GABRR1: variants seen among roughly 807,000 people sequenced by gnomAD.
GABRR1 encodes gamma-aminobutyric acid receptor subunit rho-1.
GABRR1 carries 59 observed loss-of-function variants against 55.5 expected under a neutral mutation model. The ratio of observed to expected loss-of-function variants is 1.06; its 90% CI spans 0.86 to 1.32. The LOEUF is 1.32. Among genes scored for constraint, GABRR1 ranks in the 40% most tolerant of loss-of-function variants. The pLI is 0.00. For missense variants in GABRR1, 602 were observed against 619.1 expected (o/e 0.97, Z 0.29); for synonymous variants, 213 against 226.0 (o/e 0.94, Z 0.51).
intron 1 of GABRR1, among the ~76,000 whole-genome samples, chr6:89,225,713 C>G (rs1285475931): frequency 1.9e-5 from 2 of 105,434 alleles, no homozygotes; most frequent in African/African-American, 4.0e-5. Flanking sequence ...TGAATAATGC[C>G]GCAATAAACA....
Position 89,181,891 on chromosome 6 carries a change from G to A in GABRR1, c.949+14C>T. 2 of 1,601,726 alleles carry A rather than the reference G, an allele frequency of 1.2e-6. No homozygotes were observed. The highest frequency in any genetic ancestry group is 1.7e-6 in the Non-Finnish European group (2 of 1,173,866). ...TTGCAGATGCTTGGAATATGCACTT[G>A]AGGTATTCCTTACCTAAGGGGACTC... On this transcript the variant is annotated intron_variant, in intron 8 of 9. Coordinates refer to ENST00000454853, the MANE Select transcript of GABRR1 (RefSeq NM_002042.5).
chr6:89,201,508 G>A (rs899730585), intron 2 of GABRR1, among the ~76,000 whole-genome samples: 16 of 152,202 alleles, frequency 1.1e-4, no homozygotes, highest in Non-Finnish European at 2.1e-4. Flanking sequence ...GGCCGGGTGC[G>A]GTGGCTCACG....
intron 7 of GABRR1, among the ~76,000 whole-genome samples, chr6:89,185,048 C>T (rs1306941317): frequency 6.6e-6 from 1 of 151,946 alleles, no homozygotes; most frequent in South Asian, 2.1e-4. Context: ...CCACACTTGG[C>T]TAATTTTTGT....
At position 89,227,919 on chromosome 6, in the gene GABRR1, T is replaced by C. The variant is rs1312479421; in HGVS notation, c.-411+3297A>G. Among the ~76,000 whole-genome samples the C allele has an allele frequency of 3.8e-5, 4 of 105,650 alleles. 1 individual carries two copies. Among genetic ancestry groups the C allele is most frequent in the Non-Finnish European group, 8.0e-5 (4 of 49,988 alleles). 69.3% of individuals were successfully genotyped at this position (105,650 alleles called of 152,430 possible). On this transcript the variant is annotated intron_variant, in intron 1 of 11. Coordinates refer to the GABRR1 transcript ENST00000369451. The stretch of plus-strand genomic sequence containing the variant: ...TGGACTCTTTTTGGTTGGTAAACTA[T>C]TGATTATTGCCACAATTTCAGCTCT...
intron 1 of GABRR1, chr6:89,204,633 G>C: frequency 7.8e-7 from 1 of 1,281,822 alleles, no homozygotes; most frequent in Non-Finnish European, 1.0e-6. Flanking sequence ...ACCAGTCACT[G>C]ATGAAAGGAG....
intron 2 of GABRR1, among the ~76,000 whole-genome samples, chr6:89,201,551 G>C (rs144260799): frequency 1.3e-5 from 2 of 152,118 alleles, no homozygotes; most frequent in Non-Finnish European, 2.9e-5. Flanking sequence ...AGTCCGAGGC[G>C]GGTGGATCAC....
intron 1 of GABRR1, among the ~76,000 whole-genome samples, chr6:89,224,804 A>G (rs1014367345): frequency 1.4e-4 from 21 of 151,774 alleles, no homozygotes; most frequent in Admixed American, 1.2e-3. Flanking sequence ...TTTCCCCAAG[A>G]CAGGGTCTTG....
intron 1 of GABRR1, among the ~76,000 whole-genome samples, chr6:89,209,057 C>T (rs959226071): frequency 1.3e-5 from 2 of 152,188 alleles, no homozygotes; most frequent in Non-Finnish European, 2.9e-5. Context: ...TGGCCTGCTA[C>T]TGCCTTGCCA....
In GABRR1 at chr6:89,179,052, G is replaced by C. The variant is rs545780993; in HGVS notation, c.1158C>G (p.Thr386=). 6.2e-7 allele frequency: 1 copy of C among 1,613,546 alleles called. No homozygotes were observed. The change falls in exon 10 of 10, where the codon ACC becomes ACG. Residue 386 remains threonine (T), a synonymous_variant. Coordinates refer to ENST00000454853, the MANE Select transcript of GABRR1 (RefSeq NM_002042.5). ...EQKLREKLPC[T]SGLPPPRTAM... ...CAGTGCGGGGCGGAGGTAATCCGCT[G>C]GTGCAGGGAAGCTGCAAACAGTAAA...
At position 89,179,025 on chromosome 6, in the gene GABRR1, C is replaced by T. The variant is rs1796743; in HGVS notation, c.1185G>A (p.Ala395=). The change falls in exon 10 of 10, where the codon GCG becomes GCA. Residue 395 remains alanine, a synonymous_variant. Coordinates refer to ENST00000454853, the MANE Select transcript of GABRR1 (RefSeq NM_002042.5). ...CTSGLPPPRT[A]MLDGNYSDGE... ...CATCACTGTAGTTGCCGTCCAGCAT[C>T]GCAGTGCGGGGCGGAGGTAATCCGC... 590,357 of 1,613,682 alleles carry T rather than the reference C, an allele frequency of 0.37. 111,594 individuals are homozygous for T. The highest frequency in any genetic ancestry group is 0.63 in the East Asian group (28,177 of 44,838).
At chr6:89,197,368 T>G (rs1352332270) in intron 5 of GABRR1, among the ~76,000 whole-genome samples, 3 of 152,182 alleles carry the variant, frequency 2.0e-5, no homozygotes. Flanking sequence ...CTGCTGCTCA[T>G]CTCCATGTGC....
chr6:89,178,839 T>C lies in GABRR1; in HGVS notation c.1371A>G (p.Lys457=). The C allele has an allele frequency of 6.2e-7, 1 of 1,614,154 alleles. No individual in the cohort carries two copies. Among genetic ancestry groups the C allele is most frequent in the Non-Finnish European group, 8.5e-7 (1 of 1,179,984 alleles). ...SMRIDTHAID[K]YSRIIFPAAY... The stretch of plus-strand genomic sequence containing the variant: ...CTGCTGGAAAGATGATCCTGGAGTA[T>C]TTATCAATGGCGTGGGTGTCGATTC... The change falls in exon 10 of 10, where the codon AAA becomes AAG. Residue 457 remains lysine (K), a synonymous_variant. Transcript: ENST00000454853.
intron 1 of GABRR1, among the ~76,000 whole-genome samples, chr6:89,224,298 G>T (rs1221059309): frequency 6.6e-6 from 1 of 151,790 alleles, no homozygotes; most frequent in African/African-American, 2.4e-5. Context: ...CACCATGTTG[G>T]CCAGGCTGGT....
intron 1 of GABRR1, among the ~76,000 whole-genome samples, chr6:89,229,454 C>T (rs1032110827): frequency 6.8e-6 from 1 of 147,734 alleles, no homozygotes; most frequent in Non-Finnish European, 1.5e-5. Context: ...TTAGGGCAGG[C>T]CTGGTGGTGA....
chr6:89,182,028 T>C lies in GABRR1; in HGVS notation c.826A>G (p.Thr276Ala), dbSNP rs756899313. 52 of 1,613,950 alleles carry C rather than the reference T, an allele frequency of 3.2e-5. No homozygotes were observed. The highest frequency in any genetic ancestry group is 4.3e-5 in the Non-Finnish European group (51 of 1,179,976). ...AAGAAGAAGATGTGGCGACGCAACG[T>C]GAAATTAATGTAGAGACGGTTGTAC... ...GWYNRLYINF[T>A]LRRHIFFFLL... is the part of the protein sequence containing the mutation. Residue 276 changes from threonine to alanine, a missense_variant, in exon 8 of 10, where the codon ACG becomes GCG. By Grantham distance (58) the Thr-to-Ala change is moderately conservative. Around this residue, in one of 3 missense-constraint regions of GABRR1, gnomAD observed 435 missense variants for 424.2 expected, o/e 1.03. Transcript: ENST00000454853.
intron 1 of GABRR1, among the ~76,000 whole-genome samples, chr6:89,225,260 C>CT (rs142038772): frequency 0.15 from 20,064 of 137,498 alleles, 1,535 homozygotes; most frequent in South Asian, 0.18. Flanking sequence ...TTTCTGTTTG[C>CT]TTTTTTTTTT....
At chr6:89,188,042 G>C (rs1315079316) in intron 6 of GABRR1, among the ~76,000 whole-genome samples, 2 of 151,530 alleles carry the variant, frequency 1.3e-5, no homozygotes, top group Non-Finnish European at 1.5e-5. Flanking sequence ...TAGACATGGG[G>C]GTCTTGCTTT....
intron 5 of GABRR1, 66 bp downstream of exon 5, chr6:89,197,954 C>A (rs934702050): frequency 6.3e-5 from 91 of 1,455,222 alleles, no homozygotes; most frequent in East Asian, 5.9e-4. Context: ...GAGCCAAAAA[C>A]CCAAATTGCT....
At chr6:89,221,253 A>C (rs1773110481), upstream of GABRR1, 1 of 152,348 alleles carries the variant, frequency 6.6e-6, no homozygotes, top group Admixed American at 6.5e-5. Flanking sequence ...AGCCAACCCA[A>C]CACCACACAC....
Sources: gnomAD v4.1 joint callset for allele counts (sites outside exome capture counted in the v4.1 genomes callset) on GRCh38, gnomAD v4.1.1 for gene constraint, gnomAD v4.1.1 regional missense constraint, MANE v1.5 for transcripts, NCBI Gene and HGNC (gene_info 2026-07-23, HGNC 2026-07-21) for gene names.